Variants in KRT73 observed in about 807,000 individuals in gnomAD.
KRT73 encodes keratin, type II cytoskeletal 73.
A neutral mutation model predicts 47.2 loss-of-function variants in KRT73; 44 were observed. The observed-to-expected ratio is 0.93, with a 90% CI of 0.73 to 1.20. The LOEUF (loss-of-function observed/expected upper bound fraction) is 1.20, where lower values mean the gene tolerates loss of function less well. Ranked by LOEUF, KRT73 falls within the 50% of genes most tolerant of loss-of-function variation. The pLI is 0.00. For synonymous variants in KRT73, 285 were observed against 291.3 expected, an observed-to-expected ratio of 0.98 and a Z score of 0.22; for missense variants, 713 against 704.5, an observed-to-expected ratio of 1.01 and a Z score of -0.14.
chr12:52,618,158 G>A lies in KRT73; in HGVS notation c.367C>T (p.Pro123Ser), dbSNP rs2120882191. 4 of 1,613,930 alleles carry A rather than the reference G, an allele frequency of 2.5e-6. No individual in the cohort carries two copies. The highest frequency in any genetic ancestry group is 3.4e-6 in the Non-Finnish European group (4 of 1,179,938). The change falls in exon 1 of 9, where the codon CCT (proline) becomes TCT (serine). Residue 123 changes from proline (P) to serine (S), a missense_variant. Transcript: ENST00000305748. ...TGGGCACGCACTTTCTGGATTTCAG[G>A]GTCCAGCTCCACGTTCAGGGGTGCC... is the stretch of plus-strand genomic sequence containing the variant. Reference protein sequence around the residue: ...LLAPLNVELDPEIQKVRAQER... With the variant: ...LLAPLNVELDSEIQKVRAQER...
chr12:52,629,541 A>C, the KRT73 span, among the ~76,000 whole-genome samples: 2 of 152,202 alleles, frequency 1.3e-5, no homozygotes. Context: ...CTACAGAGCA[A>C]GTTCAGGGCC....
chr12:52,621,593 G>A (rs767690706), upstream of KRT73, among the ~76,000 whole-genome samples: 1 of 152,126 alleles, frequency 6.6e-6, no homozygotes, highest in Non-Finnish European at 1.5e-5. Context: ...CAGGAATCTG[G>A]AAAGGCTCAG....
At position 52,607,926 on chromosome 12, in the gene KRT73, G is replaced by A; in HGVS notation, c.*270C>T. ...CCTTCCTCTGCACAGGGACATGCAG[G>A]CAGAGAAAAGGCCAAGTCTTCTTCC... On this transcript the variant is annotated 3_prime_UTR_variant, in exon 9 of 9. Coordinates refer to ENST00000305748, the MANE Select transcript of KRT73 (RefSeq NM_175068.3). The A allele has an allele frequency of 2.4e-6, 1 of 423,920 alleles. No individual in the cohort carries two copies. Among genetic ancestry groups the A allele is most frequent in the East Asian group, 4.4e-5 (1 of 22,852 alleles). 26.3% of individuals were successfully genotyped at this position (423,920 alleles called of 1,614,324 possible).
chr12:52,616,468 A>G, intron 1 of KRT73, 88 bp from the exon 2 acceptor site: 2 of 1,509,692 alleles, frequency 1.3e-6, no homozygotes, highest in African/African-American at 1.4e-5. Context: ...TTCTTATGCT[A>G]CATTAGCTTT....
rs756547222 is a variant in KRT73, at chr12:52,610,816, G to A, written c.1130C>T (p.Ala377Val). ...CCCCCGCTGCTCGGCGTCAGCGATGGCCGTCTCCAGGTTGGCACACTGGGG... is the reference window on the plus strand; with the variant it reads ...CCCCCGCTGCTCGGCGTCAGCGATGACCGTCTCCAGGTTGGCACACTGGGG... Reference protein sequence around the residue: ...VKKQCANLETAIADAEQRGDC... With the variant: ...VKKQCANLETVIADAEQRGDC... The change falls in exon 7 of 9, where the codon GCC (alanine) becomes GTC (valine). Residue 377 changes from alanine (A) to valine (V), a missense_variant. Physicochemically the swap from Ala to Val is moderately conservative, Grantham distance 64. Coordinates refer to ENST00000305748, the MANE Select transcript of KRT73 (RefSeq NM_175068.3). 4 of 1,612,520 alleles carry A rather than the reference G, an allele frequency of 2.5e-6. No individual in the cohort carries two copies. In the South Asian group the frequency reaches 3.3e-5, roughly 13 times the overall value.
chr12:52,616,082 C>A, intron 2 of KRT73, 84 bp downstream of exon 2: 1 of 1,544,904 alleles, frequency 6.5e-7, no homozygotes, highest in Non-Finnish European at 8.9e-7. Context: ...CCAATACCTC[C>A]AAGGCCAGAG....
Position 52,608,079 on chromosome 12 carries a change from C to G in KRT73, c.*117G>C. The G allele has an allele frequency of 1.7e-6, 2 of 1,152,428 alleles. No individual in the cohort carries two copies. Among genetic ancestry groups the G allele is most frequent in the South Asian group, 3.1e-5 (2 of 63,612 alleles). The allele number at this position is 1,152,428 out of a possible 1,614,324, so 71.4% of individuals were successfully genotyped here. Reference sequence around the variant, plus strand: ...GTCAAGGAGAAGGAGGAGAGGTCCACAGCAAAGCAAAGCAAGAAGGAGATG... The same window carrying G: ...GTCAAGGAGAAGGAGGAGAGGTCCAGAGCAAAGCAAAGCAAGAAGGAGATG... On this transcript the variant is annotated 3_prime_UTR_variant, in exon 9 of 9. Coordinates refer to ENST00000305748, the MANE Select transcript of KRT73 (RefSeq NM_175068.3).
At chr12:52,628,422 A>AC in the KRT73 span, among the ~76,000 whole-genome samples, 3 of 152,146 alleles carry the variant, frequency 2.0e-5, no homozygotes, top group South Asian at 6.2e-4. Flanking sequence ...GTGGCCACCC[A>AC]GGGTCTACGA....
At position 52,611,206 on chromosome 12, in the gene KRT73, G is replaced by T. The variant is rs1940693958; in HGVS notation, c.1108C>A (p.Gln370Lys). ...LRSEIESVKKQCANLETAIAD... is the reference protein window; with the variant it reads ...LRSEIESVKKKCANLETAIAD... ...AGGAAGGCTCCAGTCCCCTTCACCT[G>T]CTTCTTCACACTCTCAATCTCCGAG... The change falls in exon 6 of 9, where the codon CAG becomes AAG. Residue 370 changes from glutamine to lysine, a missense_variant and splice_region_variant. Physicochemically the swap from Gln to Lys is moderately conservative, Grantham distance 53 (BLOSUM62 1). Transcript: ENST00000305748. The T allele has an allele frequency of 6.2e-7, 1 of 1,614,150 alleles. No individual in the cohort carries two copies.
chr12:52,619,258 C>A (rs7953708), upstream of KRT73, among the ~76,000 whole-genome samples: 25,555 of 152,190 alleles, frequency 0.17, 2,338 homozygotes, highest in African/African-American at 0.2. Context: ...GTCATTGCAC[C>A]ATTCACGATG....
chr12:52,626,885 G>A, the KRT73 span, among the ~76,000 whole-genome samples: 1 of 152,184 alleles, frequency 6.6e-6, no homozygotes. Context: ...AACTAGGAAA[G>A]TTCCAGGCAA....
chr12:52,622,612 C>T (rs61929575), upstream of KRT73, among the ~76,000 whole-genome samples: 11,528 of 152,214 alleles, frequency 0.076, 685 homozygotes, highest in African/African-American at 0.17. Context: ...TGTGCCTTCC[C>T]TGGGGTTGTG....
chr12:52,615,954 T>G (rs2120875937), intron 2 of KRT73, among the ~76,000 whole-genome samples: 1 of 152,218 alleles, frequency 6.6e-6, no homozygotes, highest in Admixed American at 6.5e-5. Context: ...GGAAGGAGCA[T>G]GCCAAGGAGG....
chr12:52,624,807 C>T, the KRT73 span, among the ~76,000 whole-genome samples: 1 of 89,698 alleles, frequency 1.1e-5, no homozygotes, highest in South Asian at 3.7e-4. Flanking sequence ...AAAGCACAAG[C>T]GACAACAAAA....
rs200484183 is a variant in KRT73 at position 52,613,682 on chromosome 12, C to T, written c.984+6G>A. On this transcript the variant is annotated splice_donor_region_variant and intron_variant, in intron 5 of 8. Transcript: ENST00000305748. ...TACTTCACTATGGGGAGTTTTGCGG[C>T]CTCACCTTGGTCTGGTACAGGGCCT... 61 of 1,613,954 alleles carry T rather than the reference C, an allele frequency of 3.8e-5. No individual in the cohort carries two copies. The highest frequency in any genetic ancestry group is 4.8e-5 in the Non-Finnish European group (57 of 1,179,908).
At chr12:52,616,672 G>T (rs933288160) in intron 1 of KRT73, among the ~76,000 whole-genome samples, 1 of 152,032 alleles carries the variant, frequency 6.6e-6, no homozygotes, top group African/African-American at 2.4e-5. Flanking sequence ...ATCCAAACCT[G>T]CCTGGACCGA....
At chr12:52,626,684 G>T in the KRT73 span, among the ~76,000 whole-genome samples, 2 of 152,136 alleles carry the variant, frequency 1.3e-5, no homozygotes, top group Non-Finnish European at 2.9e-5. Context: ...GGGTGGGGAG[G>T]CACCCAGCAG....
chr12:52,630,465 G>T, the KRT73 span, among the ~76,000 whole-genome samples: 185 of 152,274 alleles, frequency 1.2e-3, no homozygotes, highest in Non-Finnish European at 1.2e-3. Context: ...CCTCCAGGAT[G>T]GTGTCTTGCA....
At chr12:52,618,970 C>G (rs1299656049), upstream of KRT73, among the ~76,000 whole-genome samples, 1 of 152,166 alleles carries the variant, frequency 6.6e-6, no homozygotes, top group East Asian at 1.9e-4. Context: ...CTTCAGGGAC[C>G]CTGGCTGAGC....
Sources: gnomAD v4.1 joint callset for allele counts (sites outside exome capture counted in the v4.1 genomes callset) on GRCh38, gnomAD v4.1.1 for gene constraint, MANE v1.5 for transcripts, NCBI Gene and HGNC (gene_info 2026-07-23, HGNC 2026-07-21) for gene names.